The following PTRH1 variants were observed in gnomAD, a reference collection of about 807,000 sequenced individuals.
The protein encoded by PTRH1 is peptidyl-tRNA hydrolase 1 homolog.
In PTRH1, 13 loss-of-function variants were observed where a neutral mutation model predicts 15.7. That is an observed-to-expected ratio of 0.83 (90% CI 0.54 to 1.31). PTRH1 has a LOEUF of 1.31. PTRH1 is among the 40% of genes most tolerant of loss of function. The pLI is 0.00. For synonymous variants in PTRH1, 139 were observed against 136.7 expected (o/e 1.02, Z -0.12); for missense variants, 319 against 296.2 (o/e 1.08, Z -0.56).
intron 1 of PTRH1, among the ~76,000 whole-genome samples, chr9:127,700,761 A>G (rs986396006): frequency 2.6e-4 from 39 of 152,228 alleles, no homozygotes; most frequent in African/African-American, 9.2e-4. Flanking sequence ...CCTGGAGATA[A>G]GCAATATTAA....
chr9:127,694,924 T>C (rs1484078663), intron 2 of PTRH1: 4 of 696,868 alleles, frequency 5.7e-6, no homozygotes, highest in Non-Finnish European at 1.1e-5. Flanking sequence ...AGCATCAGCA[T>C]ACCTGGGTTA....
chr9:127,710,277 T>C (rs1226699632), downstream of PTRH1, among the ~76,000 whole-genome samples: 2 of 140,770 alleles, frequency 1.4e-5, no homozygotes, highest in Non-Finnish European at 3.1e-5. Context: ...AGGAAGACCC[T>C]GTCTCAAAAA....
rs61745122 is a variant in PTRH1 at position 127,714,388 on chromosome 9, G to C, written c.453C>G (p.Leu151=). The C allele has an allele frequency of 0.028, 44,884 of 1,614,192 alleles. 716 individuals carry two copies. Among genetic ancestry groups the C allele is most frequent in the Middle Eastern group, 0.036 (219 of 6,062 alleles). Residue 151 remains leucine, a synonymous_variant, in exon 4 of 5, where the codon CTC becomes CTG. Transcript: ENST00000543175. The part of the protein sequence containing the change: ...HNGVRSCISC[L]NSNAMPRLRV... ...AAAAGGGTAGACTCACATTGGAGTT[G>C]AGGCAGCTAATGCAGGAACGGACTC...
chr9:127,713,181 C>G, downstream of PTRH1: 4 of 1,566,950 alleles, frequency 2.6e-6, no homozygotes, highest in Non-Finnish European at 2.6e-6. Context: ...CGTGTGGGGA[C>G]CTTCCGGGCA....
rs1349842036 is a variant in PTRH1, at chr9:127,715,260, G to A, written c.97-66C>T. The A allele has an allele frequency of 6.1e-6, 9 of 1,480,970 alleles. No homozygotes were observed. The highest frequency in any genetic ancestry group is 8.2e-6 in the Non-Finnish European group (9 of 1,097,156). The allele number at this position is 1,480,970 out of a possible 1,614,324, so 91.7% of individuals were successfully genotyped here. ...GCCACCCCCGATCTCACAGCGTCCC[G>A]TGGGCCCCAACGCAGAGGAGCGGAA... On this transcript the variant is annotated intron_variant, in intron 1 of 4. Coordinates refer to ENST00000543175, the MANE Select transcript of PTRH1 (RefSeq NM_001002913.3). The surrounding 1 kb of genome is among the most constrained non-coding windows in gnomAD (Gnocchi z 5.8).
exon 2 of PTRH1, chr9:127,694,998 C>A (rs148998165): frequency 1.4e-6 from 1 of 702,518 alleles, no homozygotes; most frequent in Admixed American, 2.0e-5. Flanking sequence ...CTGTAGTGCC[C>A]GTGGAGGCGG....
downstream of PTRH1, chr9:127,713,756 C>T: frequency 2.4e-6 from 3 of 1,226,278 alleles, no homozygotes; most frequent in Non-Finnish European, 3.6e-6. Flanking sequence ...ATCCCCCAGC[C>T]TCGGCCTCCC....
At chr9:127,710,631 G>C, downstream of PTRH1, 2 of 1,586,290 alleles carry the variant, frequency 1.3e-6, no homozygotes, top group Non-Finnish European at 1.7e-6. Context: ...GAGGAGTTCC[G>C]GCTGCAGAAA....
chr9:127,708,601 C>T (rs1466203753), intron 1 of PTRH1, among the ~76,000 whole-genome samples: 2 of 152,196 alleles, frequency 1.3e-5, no homozygotes, highest in East Asian at 3.9e-4. Context: ...AATTCACAAA[C>T]TTCCCTTGAG....
Position 127,705,620 on chromosome 9 carries a change from G to T in PTRH1, c.205+9815C>A, listed in dbSNP as rs1842638748. Among the ~76,000 whole-genome samples, 1 of 152,262 alleles carries T rather than the reference G, an allele frequency of 6.6e-6. No individual in the cohort carries two copies. On this transcript the variant is annotated intron_variant, in intron 1 of 2. Coordinates refer to the PTRH1 transcript ENST00000335223. The surrounding 1 kb of genome is among the most constrained non-coding windows in gnomAD (Gnocchi z 4.7). Reference sequence around the variant, plus strand: ...GGCCTGGGGAAAAGAGAATAGAAATGGGGGAGGCACGGGGAGGCCCCCGGT... The same window carrying T: ...GGCCTGGGGAAAAGAGAATAGAAATTGGGGAGGCACGGGGAGGCCCCCGGT...
chr9:127,714,976 A>C lies in PTRH1; in HGVS notation c.315T>G (p.Ala105=). 2 of 897,272 alleles carry C rather than the reference A, an allele frequency of 2.2e-6. No individual in the cohort carries two copies. Among genetic ancestry groups the C allele is most frequent in the African/African-American group, 3.0e-5 (1 of 32,866 alleles). The allele number at this position is 897,272 out of a possible 1,614,324, so 55.6% of individuals were successfully genotyped here. A position where few individuals can be genotyped will look rare whatever the true frequency, so the allele number is the denominator to read the frequency against. Residue 105 remains alanine (A), a splice_region_variant and synonymous_variant, in exon 2 of 5, where the codon GCT becomes GCG. Transcript: ENST00000543175. ...CCACCCCTGGCGCTCTCAACTCACCAGCCCGGGCCACGCTGCGCCCGTTGG... is the reference window on the plus strand; with the variant it reads ...CCACCCCTGGCGCTCTCAACTCACCCGCCCGGGCCACGCTGCGCCCGTTGG... The part of the protein sequence containing the change: ...MNANGRSVAR[A]AELFGLTAEE...
intron 1 of PTRH1, among the ~76,000 whole-genome samples, chr9:127,704,402 G>C (rs777781009): frequency 6.6e-6 from 1 of 151,788 alleles, no homozygotes; most frequent in Non-Finnish European, 1.5e-5. Flanking sequence ...CCAGCTACTC[G>C]GGAGGCTGAG....
At chr9:127,711,661 G>C (rs1358067028), downstream of PTRH1, among the ~76,000 whole-genome samples, 3 of 152,164 alleles carry the variant, frequency 2.0e-5, no homozygotes, top group African/African-American at 7.2e-5. Context: ...GCCTAGCTCC[G>C]GATTGTATTT....
chr9:127,701,354 C>A (rs1842601732), intron 1 of PTRH1, among the ~76,000 whole-genome samples: 1 of 152,160 alleles, frequency 6.6e-6, no homozygotes, highest in Non-Finnish European at 1.5e-5. Flanking sequence ...TGATTGATGT[C>A]TTTCCCAACA....
At chr9:127,706,137 G>A (rs570098169) in intron 1 of PTRH1, among the ~76,000 whole-genome samples, 2 of 152,316 alleles carry the variant, frequency 1.3e-5, no homozygotes, top group South Asian at 4.1e-4. Context: ...TTGGCCCAAG[G>A]ACCCACTGGA....
chr9:127,695,336 C>T (rs773982355), intron 1 of PTRH1: 16 of 573,708 alleles, frequency 2.8e-5, no homozygotes, highest in Non-Finnish European at 4.3e-5. Flanking sequence ...TATGGGAGGA[C>T]ACAGACAGGA....
At chr9:127,710,737 G>A (rs367946787), downstream of PTRH1, 68 of 1,567,320 alleles carry the variant, frequency 4.3e-5, no homozygotes, top group African/African-American at 1.8e-4. Flanking sequence ...AGAAGAAGTC[G>A]GTGCTGGACA....
chr9:127,709,370 G>C, downstream of PTRH1: 2 of 1,581,824 alleles, frequency 1.3e-6, no homozygotes, highest in Non-Finnish European at 8.6e-7. The surrounding 1 kb of genome is among the most constrained non-coding windows in gnomAD (Gnocchi z 4.7). Context: ...CTGCACCAGA[G>C]GCCTGGCTTG....
downstream of PTRH1, chr9:127,712,803 C>T (rs1485213824): frequency 3.1e-6 from 5 of 1,614,190 alleles, no homozygotes; most frequent in Non-Finnish European, 4.2e-6. Flanking sequence ...CTCAGCTCCA[C>T]TGTGGCCACG....
Sources: allele counts gnomAD v4.1 joint callset (sites outside exome capture counted in the v4.1 genomes callset), GRCh38; gene constraint gnomAD v4.1.1; non-coding constraint Gnocchi (gnomAD v3.1); transcripts MANE v1.5; gene names NCBI Gene and HGNC (gene_info 2026-07-23, HGNC 2026-07-21).